The following PRRT4 variants were observed in gnomAD, a reference collection of about 807,000 sequenced individuals.
The protein encoded by PRRT4 is proline rich transmembrane protein 4.
PRRT4 carries 59 observed loss-of-function variants against 55.6 expected under a neutral mutation model. That is an observed-to-expected ratio of 1.06 (90% CI 0.86 to 1.32). PRRT4 has a LOEUF of 1.32. PRRT4 is among the 40% of genes most tolerant of loss of function. PRRT4 has a pLI of 0.00. For synonymous variants in PRRT4, 606 were observed against 601.8 expected (o/e 1.01, Z -0.10); for missense variants, 1,217 against 1,222.0 (o/e 1.00, Z 0.06).
At chr7:128,360,088 G>T in intron 1 of PRRT4, 25 bp from the exon 3 acceptor site, 1 of 1,038,436 alleles carries the variant, frequency 9.6e-7, no homozygotes, top group Non-Finnish European at 1.2e-6. Context: ...GGCCCTGTGA[G>T]CCCTGGCTGT....
chr7:128,351,809 G>A, exon 5 of PRRT4: 1 of 1,418,088 alleles, frequency 7.1e-7, no homozygotes, highest in East Asian at 2.9e-5. Flanking sequence ...CCGTAGCCCA[G>A]GGCGTGCAGC....
chr7:128,351,909 G>A, exon 5 of PRRT4: 1 of 1,320,316 alleles, frequency 7.6e-7, no homozygotes, highest in Non-Finnish European at 9.6e-7. Context: ...ACTCCCGAGG[G>A]GCGAAGGGGC....
At chr7:128,354,018 C>T (rs898636020) in intron 4 of PRRT4, among the ~76,000 whole-genome samples, 1 of 152,172 alleles carries the variant, frequency 6.6e-6, no homozygotes, top group Non-Finnish European at 1.5e-5. Context: ...TCTATCTGCC[C>T]TCACCTACAG....
At position 128,352,328 on chromosome 7, in the gene PRRT4, C is replaced by G. The variant is rs1797005053; in HGVS notation, c.1228G>C (p.Gly410Arg). 6.5e-6 allele frequency: 10 copies of G among 1,541,556 alleles called. No homozygotes were observed. The highest frequency in any genetic ancestry group is 8.7e-6 in the Non-Finnish European group (10 of 1,146,468). The change falls in exon 5 of 5, where the codon GGG becomes CGG. Residue 410 changes from glycine to arginine, a missense_variant. Physicochemically the swap from Gly to Arg is moderately radical, Grantham distance 125. Transcript: ENST00000535159. The stretch of plus-strand genomic sequence containing the variant: ...AAGAGCGGGAAGGCCCGCGTGGTCC[C>G]GGCCGACAGCAGCAGCAGGTCCAGC...
exon 2 of PRRT4, chr7:128,360,054 G>C: frequency 2.4e-6 from 3 of 1,271,708 alleles, no homozygotes; most frequent in Non-Finnish European, 3.0e-6. Context: ...AGCTTTTGAG[G>C]AGGAAGGTCC....
At chr7:128,351,507 T>G (rs1256908484) in exon 5 of PRRT4, 1 of 1,499,832 alleles carries the variant, frequency 6.7e-7, no homozygotes, top group Non-Finnish European at 8.9e-7. Flanking sequence ...GGTCTGGGCC[T>G]GGCCCTGCCA....
At chr7:128,361,464 C>G (rs892924314) in intron 1 of PRRT4, 42 bp from the exon 2 acceptor site, 2 of 153,302 alleles carry the variant, frequency 1.3e-5, no homozygotes, top group African/African-American at 4.8e-5. Flanking sequence ...GGACCTCCAG[C>G]CCCCGGCGGC....
chr7:128,360,000 C>T, exon 2 of PRRT4: 1 of 1,307,536 alleles, frequency 7.6e-7, no homozygotes, highest in Non-Finnish European at 9.8e-7. Context: ...ATGGCCCCAC[C>T]TGGCTTCGGG....
At chr7:128,359,414 C>T (rs1199840954) in exon 2 of PRRT4, 6 of 1,465,568 alleles carry the variant, frequency 4.1e-6, no homozygotes, top group Non-Finnish European at 5.4e-6. Flanking sequence ...CGTTCGATGC[C>T]CAAGCGTGGG....
At chr7:128,352,220 C>T in exon 5 of PRRT4, 12 of 1,530,372 alleles carry the variant, frequency 7.8e-6, no homozygotes, top group Non-Finnish European at 9.6e-6. Context: ...CCCAGGCCGG[C>T]AGCCAAGCAG....
At position 128,351,884 on chromosome 7, in the gene PRRT4, CCG is replaced by C; in HGVS notation, c.1670_1671del (p.Ala557GlyfsTer21). On this transcript the variant is annotated frameshift_variant, in exon 5 of 5. Coordinates refer to ENST00000535159, the Ensembl canonical transcript of PRRT4. LOFTEE classifies it high-confidence loss of function. ...GTGCCCGCCACCGGGGCCGTGCGCG[CCG>C]CGCGCCGCCAGGACTCCCGAGGGGC... The C allele has an allele frequency of 7.5e-7, 1 of 1,327,122 alleles. No individual in the cohort carries two copies. Among genetic ancestry groups the C allele is most frequent in the Non-Finnish European group, 9.6e-7 (1 of 1,046,270 alleles). The allele number at this position is 1,327,122 out of a possible 1,614,324, so 82.2% of individuals were successfully genotyped here. A position where few individuals can be genotyped will look rare whatever the true frequency, so the allele number is the denominator to read the frequency against.
intron 1 of PRRT4, among the ~76,000 whole-genome samples, 173 bp from the exon 3 acceptor site, chr7:128,360,236 C>T (rs991984981): frequency 1.3e-5 from 2 of 152,312 alleles, no homozygotes; most frequent in South Asian, 2.1e-4. Context: ...CCTGTACCTT[C>T]AGGCCCCAGC....
exon 2 of PRRT4, chr7:128,359,763 G>C: frequency 6.5e-7 from 1 of 1,549,308 alleles, no homozygotes; most frequent in South Asian, 1.2e-5. Context: ...CCAAGAGAGA[G>C]TGGCTGGGTC....
chr7:128,359,097 G>A (rs978809036), intron 3 of PRRT4, 52 bp downstream of exon 4: 25 of 1,515,224 alleles, frequency 1.6e-5, no homozygotes, highest in African/African-American at 1.1e-4. Context: ...CTAGCACAGC[G>A]CTTGGCACGT....
At chr7:128,356,692 G>T (rs1462288829) in intron 4 of PRRT4, among the ~76,000 whole-genome samples, 2 of 152,234 alleles carry the variant, frequency 1.3e-5, no homozygotes, top group Non-Finnish European at 2.9e-5. Context: ...GGCGCTGGCT[G>T]GGGAGGGGTT....
In PRRT4 at chr7:128,352,535, T is replaced by C. The variant is rs1797014766; in HGVS notation, c.1021A>G (p.Arg341Gly). ...TCCAGGGTCAGGAAAAAGAGGGGCC[T>C]CGGCGCCTCGGGAGGCTGCCCCTCG... The change falls in exon 5 of 5, where the codon AGG becomes GGG. Residue 341 changes from arginine to glycine, a missense_variant. Arg to Gly is a moderately radical substitution (Grantham distance 125). This residue lies in a region of PRRT4 where 564 missense variants were observed against 592.9 expected (regional missense o/e 0.95). Transcript: ENST00000535159. 3 of 1,544,054 alleles carry C rather than the reference T, an allele frequency of 1.9e-6. No homozygotes were observed. The highest frequency in any genetic ancestry group is 1.7e-6 in the Non-Finnish European group (2 of 1,146,880).
At chr7:128,352,053 C>G (rs574678985) in exon 5 of PRRT4, 87 of 1,246,718 alleles carry the variant, frequency 7.0e-5, no homozygotes, top group Middle Eastern at 3.1e-4. Context: ...GAAAGGCGTG[C>G]AGCCCGCGCG....
rs760468998 is a variant in PRRT4 at position 128,350,882 on chromosome 7, C to T, written c.2674G>A (p.Val892Met). Residue 892 changes from valine (V) to methionine (M), a missense_variant, in exon 5 of 5, where the codon GTG (valine) becomes ATG (methionine). Transcript: ENST00000535159. ...CACAGGTCTATGGTGTCGCTGCCCA[C>T]GCTCAGCTCGTCGATCTGTCGGCAG... The T allele has an allele frequency of 1.9e-6, 3 of 1,551,060 alleles. No homozygotes were observed. The highest frequency in any genetic ancestry group is 1.4e-5 in the African/African-American group (1 of 73,040).
At chr7:128,351,740 G>A in exon 5 of PRRT4, 4 of 1,464,974 alleles carry the variant, frequency 2.7e-6, no homozygotes, top group Non-Finnish European at 3.6e-6. Flanking sequence ...ACCTCGCCCA[G>A]GCGCAGGCCT....
Sources: allele counts gnomAD v4.1 joint callset (sites outside exome capture counted in the v4.1 genomes callset), GRCh38; gene constraint gnomAD v4.1.1; regional missense constraint gnomAD v4.1.1; transcripts MANE v1.5; gene names NCBI Gene and HGNC (gene_info 2026-07-23, HGNC 2026-07-21).